TDRP: variants seen among roughly 807,000 people sequenced by gnomAD.
The protein encoded by TDRP is testis development-related protein.
TDRP carries 12 observed loss-of-function variants against 10.5 expected under a neutral mutation model. The ratio of observed to expected loss-of-function variants is 1.15; its 90% CI spans 0.73 to 1.86. The LOEUF (loss-of-function observed/expected upper bound fraction) is 1.86. TDRP is among the 40% of genes most tolerant of loss of function. The pLI, the probability that TDRP is intolerant of heterozygous loss-of-function variation, is 0.00. For missense variants in TDRP, 353 were observed against 229.2 expected (o/e 1.54, Z -3.49); for synonymous variants, 139 against 95.4 (o/e 1.46, Z -2.67).
intron 1 of TDRP, among the ~76,000 whole-genome samples, chr8:526,762 G>C (rs1426223664): frequency 1.3e-5 from 2 of 152,132 alleles, no homozygotes; most frequent in Non-Finnish European, 2.9e-5. Flanking sequence ...ATACTGAAGG[G>C]AAAAATGAAA....
intron 1 of TDRP, among the ~76,000 whole-genome samples, chr8:530,686 G>A (rs1439656435): frequency 5.3e-5 from 8 of 152,140 alleles, no homozygotes; most frequent in Non-Finnish European, 7.3e-5. Flanking sequence ...TGTCTGGCAG[G>A]GCAACAGGCT....
rs557406697 is a variant in TDRP, at chr8:491,502, C to G, written c.*897G>C. On this transcript the variant is annotated 3_prime_UTR_variant, in exon 3 of 3. Transcript: ENST00000324079. The stretch of plus-strand genomic sequence containing the variant: ...GGAAAAAACACAGCTTCTTACAGAT[C>G]TAACACCAATCACAATAGGCATCTC... 4 of 1,078,158 alleles carry G rather than the reference C, an allele frequency of 3.7e-6. No individual in the cohort carries two copies. In the Admixed American group the frequency reaches 1.2e-4, roughly 33 times the overall value. The allele number at this position is 1,078,158 out of a possible 1,614,324, so 66.8% of individuals were successfully genotyped here. A position where few individuals can be genotyped will look rare whatever the true frequency, so the allele number is the denominator to read the frequency against.
At chr8:519,060 C>A (rs1259158964) in intron 1 of TDRP, among the ~76,000 whole-genome samples, 1 of 126,752 alleles carries the variant, frequency 7.9e-6, no homozygotes, top group African/African-American at 2.6e-5. Context: ...ACCTCCTCCT[C>A]TGACCTCCAA....
chr8:512,872 T>C (rs963797448), intron 1 of TDRP, among the ~76,000 whole-genome samples: 1 of 151,886 alleles, frequency 6.6e-6, no homozygotes, highest in African/African-American at 2.4e-5. Context: ...CTCAGGAGGC[T>C]GAGGTGGGAG....
chr8:505,528 A>G (rs1801436291), intron 1 of TDRP, among the ~76,000 whole-genome samples: 1 of 152,228 alleles, frequency 6.6e-6, no homozygotes, highest in Non-Finnish European at 1.5e-5. Context: ...AGGTTGCTAG[A>G]AATACCTCAG....
intron 1 of TDRP, among the ~76,000 whole-genome samples, chr8:520,644 T>C (rs1208696243): frequency 6.6e-6 from 1 of 152,242 alleles, no homozygotes; most frequent in African/African-American, 2.4e-5. Context: ...TACTAATGGT[T>C]GTGAGGTGAC....
chr8:542,917 C>T (rs1327712736), intron 1 of TDRP, among the ~76,000 whole-genome samples: 1 of 150,958 alleles, frequency 6.6e-6, no homozygotes, highest in Non-Finnish European at 1.5e-5. Flanking sequence ...AGAAAAGGAG[C>T]TTTAACGAAG....
intron 1 of TDRP, among the ~76,000 whole-genome samples, chr8:539,423 T>C (rs1483338052): frequency 6.6e-6 from 1 of 152,198 alleles, no homozygotes; most frequent in Non-Finnish European, 1.5e-5. Flanking sequence ...TTGTTGAAGC[T>C]GCCCAGTTTA....
Position 490,032 on chromosome 8 carries a change from A to C in TDRP, c.*2367T>G, listed in dbSNP as rs909162314. 18 of 152,228 alleles carry C rather than the reference A, an allele frequency of 1.2e-4. No individual in the cohort carries two copies. Among genetic ancestry groups the C allele is most frequent in the Non-Finnish European group, 2.1e-4 (14 of 68,042 alleles). 9.4% of individuals were successfully genotyped at this position (152,228 alleles called of 1,614,324 possible). On this transcript the variant is annotated 3_prime_UTR_variant, in exon 3 of 3. Coordinates refer to ENST00000324079, the MANE Select transcript of TDRP (RefSeq NM_001384899.1). ...GAAGCACATCACTTTCCTATTAAAA[A>C]ATAAAAAAAGTACAGTAGAAGGAGC...
intron 1 of TDRP, among the ~76,000 whole-genome samples, chr8:501,448 G>A (rs1422951547): frequency 1.3e-5 from 2 of 151,728 alleles, no homozygotes; most frequent in African/African-American, 4.8e-5. Context: ...CCAGGTTCAA[G>A]CAATTCTCCT....
chr8:535,347 G>C (rs1250801307), intron 1 of TDRP, among the ~76,000 whole-genome samples: 1 of 152,018 alleles, frequency 6.6e-6, no homozygotes, highest in Non-Finnish European at 1.5e-5. Flanking sequence ...AACCCCCACA[G>C]AACTCCCAAA....
chr8:519,209 T>A (rs1417522970), intron 1 of TDRP, among the ~76,000 whole-genome samples: 1 of 152,192 alleles, frequency 6.6e-6, no homozygotes, highest in Non-Finnish European at 1.5e-5. Context: ...CCCATCCATG[T>A]GCTGAGAGCA....
intron 1 of TDRP, among the ~76,000 whole-genome samples, chr8:540,608 G>T (rs535591396): frequency 6.6e-6 from 1 of 151,900 alleles, no homozygotes; most frequent in African/African-American, 2.4e-5. Context: ...CAAACCTTGC[G>T]GTTATATGTT....
At chr8:512,442 A>G (rs1041315979) in intron 1 of TDRP, among the ~76,000 whole-genome samples, 5 of 152,024 alleles carry the variant, frequency 3.3e-5, no homozygotes, top group African/African-American at 1.2e-4. Context: ...AACAACAATA[A>G]AAAAAAATCA....
intron 1 of TDRP, among the ~76,000 whole-genome samples, chr8:529,744 T>C (rs1802136772): frequency 6.6e-6 from 1 of 152,220 alleles, no homozygotes; most frequent in Non-Finnish European, 1.5e-5. Context: ...CTGATAATCT[T>C]ATGGGAGCTC....
At chr8:522,618 C>A (rs576098530) in intron 1 of TDRP, among the ~76,000 whole-genome samples, 1 of 152,334 alleles carries the variant, frequency 6.6e-6, no homozygotes, top group Admixed American at 6.5e-5. Flanking sequence ...CCGCACAGAT[C>A]TCCCTCCGCC....
intron 1 of TDRP, among the ~76,000 whole-genome samples, chr8:513,716 G>A (rs1341284768): frequency 6.6e-6 from 1 of 152,152 alleles, no homozygotes; most frequent in Non-Finnish European, 1.5e-5. Flanking sequence ...ATCTCTATTT[G>A]CTGATAACAT....
At chr8:528,632 A>T (rs892098351) in intron 1 of TDRP, among the ~76,000 whole-genome samples, 2 of 152,004 alleles carry the variant, frequency 1.3e-5, no homozygotes, top group African/African-American at 4.8e-5. Context: ...TAAGAGTATA[A>T]TTGGATTGTT....
intron 2 of TDRP, 128 bp from the exon 3 acceptor site, chr8:492,872 G>T: frequency 1.3e-6 from 1 of 750,998 alleles, no homozygotes; most frequent in South Asian, 2.6e-5. Flanking sequence ...AAGTCTATAT[G>T]AAAAGTTTCA....
Sources: gnomAD v4.1 joint callset for allele counts (sites outside exome capture counted in the v4.1 genomes callset) on GRCh38, gnomAD v4.1.1 for gene constraint, MANE v1.5 for transcripts, NCBI Gene and HGNC (gene_info 2026-07-23, HGNC 2026-07-21) for gene names.